BRPF1: variants seen among roughly 807,000 people sequenced by gnomAD.
The protein encoded by BRPF1 is bromodomain and PHD finger containing 1, also known as peregrin.
Under a neutral mutation model 115.0 loss-of-function variants are expected in BRPF1, and 15 were observed. The observed-to-expected ratio is 0.13, with a 90% CI of 0.09 to 0.20. The LOEUF (loss-of-function observed/expected upper bound fraction) is 0.20. Ranked by LOEUF, BRPF1 falls within the 10% of genes least tolerant of loss-of-function variation. BRPF1 has a pLI of 1.00. For missense variants in BRPF1, 1,118 were observed against 1,638.3 expected (o/e 0.68, Z 5.48); for synonymous variants, 647 against 619.8 (o/e 1.04, Z -0.65).
intron 5 of BRPF1, 21 bp downstream of exon 5, chr3:9,741,460 C>A (rs1303001698): frequency 7.8e-6 from 12 of 1,541,232 alleles, no homozygotes; most frequent in Middle Eastern, 3.7e-4. Context: ...CTGGGCCAGC[C>A]CTATTTTATA....
chr3:9,744,115 C>G (rs2077080674), intron 8 of BRPF1, 109 bp from the exon 9 acceptor site: 1 of 1,378,540 alleles, frequency 7.3e-7, no homozygotes, highest in Non-Finnish European at 9.8e-7. Context: ...ATGATCTCCC[C>G]AACGTTAGCT....
intron 3 of BRPF1, 140 bp from the exon 4 acceptor site, chr3:9,740,639 A>T: frequency 9.2e-7 from 1 of 1,091,266 alleles, no homozygotes. Context: ...TCCTTGCCTT[A>T]AGTCCAGAGT....
chr3:9,741,179 T>C (rs898632345), intron 4 of BRPF1, 129 bp from the exon 5 acceptor site: 2 of 1,225,732 alleles, frequency 1.6e-6, no homozygotes, highest in Non-Finnish European at 1.1e-6. Context: ...GACACACAGA[T>C]TGAGGCACTA....
chr3:9,746,481 TCA>T, intron 13 of BRPF1, 27 bp downstream of exon 13: 3 of 1,539,606 alleles, frequency 1.9e-6, no homozygotes, highest in Non-Finnish European at 1.8e-6. Context: ...TTGGTGTGAC[TCA>T]CAGCCACAGA....
chr3:9,744,572 C>T (rs2077090574), intron 9 of BRPF1, 64 bp downstream of exon 9: 1 of 1,236,200 alleles, frequency 8.1e-7, no homozygotes, highest in Non-Finnish European at 1.1e-6. Flanking sequence ...TCCCAGCATA[C>T]TCCCAGTTAC....
intron 5 of BRPF1, 31 bp from the exon 6 acceptor site, chr3:9,741,994 G>C: frequency 6.2e-7 from 1 of 1,612,836 alleles, no homozygotes; most frequent in South Asian, 1.1e-5. Flanking sequence ...ACTGGCCGAG[G>C]CCTGGCTGAT....
At position 9,739,915 on chromosome 3, in the gene BRPF1, G is replaced by A. The variant is rs867377545; in HGVS notation, c.1516G>A (p.Ala506Thr). The A allele has an allele frequency of 6.3e-7, 1 of 1,581,508 alleles. No homozygotes were observed. ...KARKILAEKR[A>T]AAPVVSVPCI... ...ACGGAAGATCCTGGCAGAGAAGCGG[G>A]CAGCAGCACCTGTGGTGTCAGTGCC... The change falls in exon 3 of 14, where the codon GCA becomes ACA. Residue 506 changes from alanine to threonine, a missense_variant. Ala to Thr is a moderately conservative substitution (Grantham distance 58). Coordinates refer to ENST00000383829, the MANE Select transcript of BRPF1 (RefSeq NM_001003694.2).
At chr3:9,741,085 G>A in intron 4 of BRPF1, 144 bp downstream of exon 4, 1 of 1,048,980 alleles carries the variant, frequency 9.5e-7, no homozygotes, top group Non-Finnish European at 1.4e-6. Flanking sequence ...AGCATGGAAT[G>A]TTCAATGAAA....
Position 9,745,416 on chromosome 3 carries a change from G to A in BRPF1, c.3069-157G>A, listed in dbSNP as rs1240742957. On this transcript the variant is annotated intron_variant, in intron 10 of 13. Transcript: ENST00000383829. The surrounding 1 kb of genome is among the most constrained non-coding windows in gnomAD (Gnocchi z 5.1). Reference sequence around the variant, plus strand: ...CTAACCCACCTCTGTTAGGTCATCAGCCTAGCCCCTGTGGGTGTTTGAATT... The same window carrying A: ...CTAACCCACCTCTGTTAGGTCATCAACCTAGCCCCTGTGGGTGTTTGAATT... 6.6e-6 allele frequency among the ~76,000 whole-genome samples: 1 copy of A among 152,254 alleles called. No individual in the cohort carries two copies. Among genetic ancestry groups the A allele is most frequent in the Non-Finnish European group, 1.5e-5 (1 of 68,052 alleles).
intron 2 of BRPF1, among the ~76,000 whole-genome samples, chr3:9,737,820 G>A (rs1023317904): frequency 3.9e-5 from 6 of 152,150 alleles, no homozygotes; most frequent in African/African-American, 1.4e-4. Flanking sequence ...GGGGTAGTAG[G>A]CACTGGGCAA....
chr3:9,735,741 G>A (rs2076929347), intron 2 of BRPF1, among the ~76,000 whole-genome samples: 1 of 152,176 alleles, frequency 6.6e-6, no homozygotes. Context: ...TGAGGTAAAA[G>A]ATGAAGGGAT....
intron 2 of BRPF1, among the ~76,000 whole-genome samples, chr3:9,738,254 C>G (rs144406591): frequency 6.6e-6 from 1 of 152,182 alleles, no homozygotes; most frequent in African/African-American, 2.4e-5. Context: ...TGTGACCTAT[C>G]TATGTTTTGA....
In BRPF1 at chr3:9,741,410, C is replaced by T. The variant is rs2077027454; in HGVS notation, c.1825C>T (p.Arg609Cys). The T allele has an allele frequency of 1.9e-6, 3 of 1,604,580 alleles. No individual in the cohort carries two copies. Among genetic ancestry groups the T allele is most frequent in the Non-Finnish European group, 2.6e-6 (3 of 1,173,880 alleles). Residue 609 changes from arginine (R) to cysteine (C), a missense_variant, in exon 5 of 14, where the codon CGC becomes TGC. This residue lies in a region of BRPF1 where 178 missense variants were observed against 303.7 expected (regional missense o/e 0.59). Coordinates refer to ENST00000383829, the MANE Select transcript of BRPF1 (RefSeq NM_001003694.2). The stretch of plus-strand genomic sequence containing the variant: ...AGCTCGGCTGCTCGTGGAATTGATC[C>T]GCAAGCGGGAAAAACTCAAAAGGGA... ...ERARLLVELI[R>C]KREKLKRETI... is the part of the protein sequence containing the mutation.
Position 9,734,072 on chromosome 3 carries a change from T to C in BRPF1, c.-10-59T>C. Reference sequence around the variant, plus strand: ...GGAGGGCTAGAAAGACTGGGGTCTCTGGTGCAAATGGCCAGGAACTCATCC... The same window carrying C: ...GGAGGGCTAGAAAGACTGGGGTCTCCGGTGCAAATGGCCAGGAACTCATCC... On this transcript the variant is annotated intron_variant, in intron 1 of 13. Coordinates refer to ENST00000383829, the MANE Select transcript of BRPF1 (RefSeq NM_001003694.2). The surrounding 1 kb of genome is among the most constrained non-coding windows in gnomAD (Gnocchi z 5.7). The C allele has an allele frequency of 1.3e-6, 2 of 1,520,866 alleles. No individual in the cohort carries two copies. The highest frequency in any genetic ancestry group is 2.1e-5 in the Admixed American group (1 of 46,966). 94.2% of individuals were successfully genotyped at this position (1,520,866 alleles called of 1,614,324 possible).
chr3:9,733,675 G>T (rs921429118), intron 1 of BRPF1, among the ~76,000 whole-genome samples: 3 of 152,176 alleles, frequency 2.0e-5, no homozygotes, highest in African/African-American at 7.2e-5. Flanking sequence ...GGAATGAGAG[G>T]TTATAACATT....
chr3:9,746,764 G>A (rs2077133729), intron 13 of BRPF1, among the ~76,000 whole-genome samples: 1 of 151,836 alleles, frequency 6.6e-6, no homozygotes, highest in African/African-American at 2.4e-5. Flanking sequence ...TGCCTCCACA[G>A]TGACAAAATG....
chr3:9,732,376 A>T (rs1231868602), intron 1 of BRPF1: 1 of 152,156 alleles, frequency 6.6e-6, no homozygotes, highest in Non-Finnish European at 1.5e-5. Flanking sequence ...ACAAAGGGGA[A>T]ACGCCGCCGC....
intron 2 of BRPF1, among the ~76,000 whole-genome samples, chr3:9,738,424 G>A (rs2076976653): frequency 6.6e-6 from 1 of 152,174 alleles, no homozygotes. Flanking sequence ...ATCTCCCAAG[G>A]CTATCCAGTG....
Position 9,747,111 on chromosome 3 carries a change from G to A in BRPF1, c.3480-55G>A, listed in dbSNP as rs1371204329. 39 of 1,595,250 alleles carry A rather than the reference G, an allele frequency of 2.4e-5. No individual in the cohort carries two copies. Among genetic ancestry groups the A allele is most frequent in the Non-Finnish European group, 6.0e-6 (7 of 1,166,692 alleles). ...TGTGTTTGAGTGAATAGAGGAGGAA[G>A]GCTGGTCCTTGTTCTCCCTGAGATG... On this transcript the variant is annotated intron_variant, in intron 13 of 13. Transcript: ENST00000383829. The surrounding 1 kb of genome is among the most constrained non-coding windows in gnomAD (Gnocchi z 5.6).
Sources: allele counts gnomAD v4.1 joint callset (sites outside exome capture counted in the v4.1 genomes callset), GRCh38; gene constraint gnomAD v4.1.1; regional missense constraint gnomAD v4.1.1; non-coding constraint Gnocchi (gnomAD v3.1); transcripts MANE v1.5; gene names NCBI Gene and HGNC (gene_info 2026-07-23, HGNC 2026-07-21).